AKAP9: variants seen among roughly 807,000 people sequenced by gnomAD.
AKAP9 encodes the protein A-kinase anchor protein 9.
A neutral mutation model predicts 488.5 loss-of-function variants in AKAP9; 311 were observed. The ratio of observed to expected loss-of-function variants is 0.64; its 90% CI spans 0.58 to 0.70. The LOEUF is 0.70. Ranked by LOEUF, AKAP9 falls within the 30% of genes least tolerant of loss-of-function variation. The pLI is 0.00. For missense variants in AKAP9, 4,215 were observed against 4,374.5 expected (o/e 0.96, Z 1.03); for synonymous variants, 1,462 against 1,483.5 (o/e 0.99, Z 0.33).
rs138390702 is a variant in AKAP9, at chr7:92,086,330, G to A, written c.9127G>A (p.Ala3043Thr). Residue 3043 changes from alanine to threonine, a missense_variant, in exon 37 of 50, where the codon GCA (alanine) becomes ACA (threonine). Around this residue, in one of 5 missense-constraint regions of AKAP9, gnomAD observed 1,476 missense variants for 1,477.4 expected, o/e 1.00. Transcript: ENST00000356239. Reference sequence around the variant, plus strand: ...CTTAGAAGAGCGTAGTGTTTTACTAGCAGCATTTCGGACGGAGCTGACAGC... The same window carrying A: ...CTTAGAAGAGCGTAGTGTTTTACTAACAGCATTTCGGACGGAGCTGACAGC... ...VFLEERSVLL[A>T]AFRTELTALG... The A allele has an allele frequency of 1.3e-4, 208 of 1,614,112 alleles. No homozygotes were observed. In the African/African-American group the frequency reaches 2.3e-3, roughly 18 times the overall value.
In AKAP9 at chr7:91,973,742, C is replaced by T. The variant is rs142401936; in HGVS notation, c.80C>T (p.Ser27Leu). The T allele has an allele frequency of 2.7e-3, 4,414 of 1,613,500 alleles. 11 individuals carry two copies. Among genetic ancestry groups the T allele is most frequent in the Middle Eastern group, 6.8e-3 (41 of 6,062 alleles). ...LAQFRQRKAQ[S>L]DGQSPSKKQK... The stretch of plus-strand genomic sequence containing the variant: ...CAGTTTCGACAAAGAAAAGCTCAGT[C>T]GGATGGGCAGAGTCCTTCCAAGAAG... The change falls in exon 2 of 50, where the codon TCG becomes TTG. Residue 27 changes from serine (S) to leucine (L), a missense_variant. Around this residue, in one of 5 missense-constraint regions of AKAP9, gnomAD observed 2,361 missense variants for 2,430.0 expected, o/e 0.97. Coordinates refer to ENST00000356239, the MANE Select transcript of AKAP9 (RefSeq NM_005751.5).
intron 40 of AKAP9, 76 bp downstream of exon 40, chr7:92,095,249 A>G: frequency 1.3e-6 from 2 of 1,540,898 alleles, no homozygotes; most frequent in Non-Finnish European, 1.8e-6. Context: ...TCCTCCATCT[A>G]AAATGTCAAC....
At chr7:91,959,885 C>G (rs1290309744) in intron 1 of AKAP9, among the ~76,000 whole-genome samples, 2 of 152,098 alleles carry the variant, frequency 1.3e-5, no homozygotes, top group African/African-American at 4.8e-5. Context: ...TTTAAGAATA[C>G]TTTAAAGCAT....
intron 3 of AKAP9, among the ~76,000 whole-genome samples, chr7:91,990,916 G>A (rs899563358): frequency 1.3e-5 from 2 of 152,146 alleles, no homozygotes; most frequent in Non-Finnish European, 2.9e-5. Context: ...TGTTCTGGTA[G>A]CATGGTGAAA....
At chr7:92,074,488 T>C (rs1812233525) in intron 28 of AKAP9, among the ~76,000 whole-genome samples, 1 of 152,202 alleles carries the variant, frequency 6.6e-6, no homozygotes, top group African/African-American at 2.4e-5. Context: ...GAAATACCTT[T>C]TGACCCAGCA....
At chr7:91,995,468 C>G in intron 6 of AKAP9, 135 bp from the exon 7 acceptor site, 1 of 720,850 alleles carries the variant, frequency 1.4e-6, no homozygotes, top group Non-Finnish European at 2.3e-6. Flanking sequence ...ATCTAGTCAG[C>G]CAAGGTAGCA....
In AKAP9 at chr7:92,045,323, A is replaced by G. The variant is rs554626310; in HGVS notation, c.5368+110A>G. 1.1e-5 allele frequency: 11 copies of G among 1,046,678 alleles called. No homozygotes were observed. In the African/African-American group the frequency reaches 1.1e-4, roughly 11 times the overall value. The allele number at this position is 1,046,678 out of a possible 1,614,324, so 64.8% of individuals were successfully genotyped here. On this transcript the variant is annotated intron_variant, in intron 21 of 49. Transcript: ENST00000356239. ...AGAGAAAATAAGTATTTTCCAGCAA[A>G]TGGACCTTCAAACAGAAATACATTA...
At chr7:91,970,356 G>A (rs1031240277) in intron 1 of AKAP9, 15 of 347,276 alleles carry the variant, frequency 4.3e-5, no homozygotes, top group Non-Finnish European at 7.2e-5. Context: ...ATGAGTGGGC[G>A]CTACACCACA....
At chr7:92,101,795 A>C (rs1817556339) in intron 45 of AKAP9, among the ~76,000 whole-genome samples, 1 of 152,210 alleles carries the variant, frequency 6.6e-6, no homozygotes, top group Non-Finnish European at 1.5e-5. Context: ...TCAAAACAAA[A>C]AGAAAAACTT....
chr7:92,084,899 GA>G lies in AKAP9; in HGVS notation c.8794del (p.Ser2932ValfsTer12). ...FDIASEGRGE[E>X]SESATDSFPK... ...CATAGCATCAGAAGGCCGAGGAGAA[GA>G]AAGTGAAAGTGCAACAGATTCCTTT... On this transcript the variant is annotated frameshift_variant, in exon 35 of 50. Transcript: ENST00000356239. LOFTEE classifies it high-confidence loss of function. 6.2e-7 allele frequency: 1 copy of G among 1,613,410 alleles called. No homozygotes were observed. The highest frequency in any genetic ancestry group is 8.5e-7 in the Non-Finnish European group (1 of 1,179,630).
Position 92,079,133 on chromosome 7 carries a change from T to C in AKAP9, c.7000T>C (p.Leu2334=). ...IRDLETQIEC[L]MSDQECVKRN... ...GGATCTTGAAACCCAAATAGAATGT[T>C]TGATGAGTGATCAAGAATGTGTGAA... The change falls in exon 31 of 50, where the codon TTG becomes CTG. Residue 2334 remains leucine, a synonymous_variant. Transcript: ENST00000356239. The C allele has an allele frequency of 6.2e-7, 1 of 1,613,690 alleles. No individual in the cohort carries two copies.
chr7:92,022,747 T>G (rs1335576497), intron 13 of AKAP9, 67 bp from the exon 14 acceptor site: 10 of 1,025,118 alleles, frequency 9.8e-6, no homozygotes, highest in Non-Finnish European at 1.5e-5. Context: ...CTGTACACAG[T>G]GATTGTGCTA....
In AKAP9 at chr7:91,995,596, T is replaced by C; in HGVS notation, c.733-7T>C. The C allele has an allele frequency of 1.2e-6, 2 of 1,613,858 alleles. No individual in the cohort carries two copies. Among genetic ancestry groups the C allele is most frequent in the Non-Finnish European group, 8.5e-7 (1 of 1,179,808 alleles). On this transcript the variant is annotated splice_region_variant and splice_polypyrimidine_tract_variant and intron_variant, in intron 6 of 49. Transcript: ENST00000356239. ...TTTAACGTTTTGAGGTTTCTTTCTA[T>C]TTTCAGTTACAGGCTAGTGAAACTC...
chr7:92,033,442 CT>C (rs35497475), intron 16 of AKAP9, among the ~76,000 whole-genome samples: 28,914 of 107,640 alleles, frequency 0.27, 2,104 homozygotes, highest in South Asian at 0.31. Flanking sequence ...CTTTTCTTTT[CT>C]TTTTTTTTTT....
At chr7:92,109,563 T>G (rs113724565) in intron 49 of AKAP9, among the ~76,000 whole-genome samples, 10 of 152,358 alleles carry the variant, frequency 6.6e-5, no homozygotes, top group South Asian at 4.1e-4. Context: ...AAAAAAACTC[T>G]AAATATTAGT....
chr7:91,976,492 G>A (rs1229034733), intron 2 of AKAP9, among the ~76,000 whole-genome samples: 1 of 152,192 alleles, frequency 6.6e-6, no homozygotes, highest in Non-Finnish European at 1.5e-5. Context: ...CAAAGTGCTA[G>A]GATTACAGGC....
chr7:91,990,702 C>T (rs915808195), intron 3 of AKAP9, among the ~76,000 whole-genome samples: 2 of 152,144 alleles, frequency 1.3e-5, no homozygotes, highest in Admixed American at 6.5e-5. Context: ...GTAATACTGA[C>T]AGTTATTACA....
In AKAP9 at chr7:92,052,969, T is replaced by C; in HGVS notation, c.5601+11T>C. 1.9e-6 allele frequency: 3 copies of C among 1,586,664 alleles called. No individual in the cohort carries two copies. The highest frequency in any genetic ancestry group is 2.6e-6 in the Non-Finnish European group (3 of 1,155,612). On this transcript the variant is annotated intron_variant, in intron 22 of 49. Transcript: ENST00000356239. ...GAAACTAGCAGTCAGGTAACCTCCTTATATTGCTAATATGTACTGAGTTTG... is the reference window on the plus strand; with the variant it reads ...GAAACTAGCAGTCAGGTAACCTCCTCATATTGCTAATATGTACTGAGTTTG...
Position 92,062,340 on chromosome 7 carries a change from T to A in AKAP9, c.5831T>A (p.Ile1944Lys). 1.9e-6 allele frequency: 3 copies of A among 1,613,898 alleles called. No individual in the cohort carries two copies. Among genetic ancestry groups the A allele is most frequent in the Non-Finnish European group, 1.7e-6 (2 of 1,179,818 alleles). The change falls in exon 24 of 50, where the codon ATA becomes AAA. Residue 1944 changes from isoleucine to lysine, a missense_variant. By Grantham distance (102) the Ile-to-Lys change is moderately radical. Coordinates refer to ENST00000356239, the MANE Select transcript of AKAP9 (RefSeq NM_005751.5). ...FERQIQEKTD[I>K]IDRLEQELLC... ...AGGCAAATTCAGGAAAAAACTGATATAATAGATCGTCTTGAGCAGGAGTTG... is the reference window on the plus strand; with the variant it reads ...AGGCAAATTCAGGAAAAAACTGATAAAATAGATCGTCTTGAGCAGGAGTTG...
Sources: gnomAD v4.1 joint callset for allele counts (sites outside exome capture counted in the v4.1 genomes callset) on GRCh38, gnomAD v4.1.1 for gene constraint, gnomAD v4.1.1 regional missense constraint, MANE v1.5 for transcripts, NCBI Gene and HGNC (gene_info 2026-07-23, HGNC 2026-07-21) for gene names.